The following SLIT2 variants were observed in gnomAD, a reference collection of about 807,000 sequenced individuals.
SLIT2 encodes the protein slit guidance ligand 2, also known as slit homolog 2 protein.
In SLIT2, 41 loss-of-function variants were observed where a neutral mutation model predicts 185.7. That is an observed-to-expected ratio of 0.22 (90% CI 0.17 to 0.29). The LOEUF (loss-of-function observed/expected upper bound fraction) is 0.29. SLIT2 is among the 10% of genes least tolerant of loss of function. The pLI, the probability that SLIT2 is intolerant of heterozygous loss-of-function variation, is 1.00. For missense variants in SLIT2, 1,571 were observed against 1,909.0 expected (o/e 0.82, Z 3.30); for synonymous variants, 693 against 680.2 (o/e 1.02, Z -0.29).
intron 3 of SLIT2, among the ~76,000 whole-genome samples, chr4:20,267,383 T>C (rs1713144418): frequency 6.6e-6 from 1 of 151,876 alleles, no homozygotes; most frequent in East Asian, 1.9e-4. Flanking sequence ...TTTTTATTAG[T>C]ATGCATTTTA....
chr4:20,336,728 A>G (rs1720534081), intron 4 of SLIT2, among the ~76,000 whole-genome samples: 1 of 152,244 alleles, frequency 6.6e-6, no homozygotes, highest in Non-Finnish European at 1.5e-5. Flanking sequence ...CAGAGTATAC[A>G]GTGAAGGCAT....
intron 4 of SLIT2, among the ~76,000 whole-genome samples, chr4:20,384,652 C>G (rs756987152): frequency 1.3e-5 from 2 of 152,004 alleles, no homozygotes; most frequent in Non-Finnish European, 2.9e-5. Flanking sequence ...AAGAAAAGAG[C>G]TTAATATTAT....
chr4:20,511,420 C>CTTTTTTTTTTTTTT (rs1040955182), intron 11 of SLIT2, among the ~76,000 whole-genome samples: 2 of 122,056 alleles, frequency 1.6e-5, no homozygotes, highest in Admixed American at 8.5e-5. Flanking sequence ...TTTTTTATTT[C>CTTTTTTTTTTTTTT]TTTTTTTTTT....
At chr4:20,343,181 T>C (rs569185621) in intron 4 of SLIT2, among the ~76,000 whole-genome samples, 194 of 152,218 alleles carry the variant, frequency 1.3e-3, no homozygotes, top group Non-Finnish European at 2.4e-3. Context: ...ATTGTATGTT[T>C]GTACCCATTA....
Position 20,483,663 on chromosome 4 carries a change from C to G in SLIT2, c.540-2537C>G, listed in dbSNP as rs1461044527. ...GCATGGTGGTAAGGGAATAAGATGACTAAATCAACATACAAGTGTGAGAGG... is the reference window on the plus strand; with the variant it reads ...GCATGGTGGTAAGGGAATAAGATGAGTAAATCAACATACAAGTGTGAGAGG... On this transcript the variant is annotated intron_variant, in intron 6 of 36. Coordinates refer to ENST00000504154, the MANE Select transcript of SLIT2 (RefSeq NM_004787.4). 2.0e-5 allele frequency among the ~76,000 whole-genome samples: 3 copies of G among 152,040 alleles called. No individual in the cohort carries two copies. In the East Asian group the frequency reaches 5.8e-4, roughly 29 times the overall value.
chr4:20,417,436 G>GTGTGTATA (rs1553898364), intron 4 of SLIT2, among the ~76,000 whole-genome samples: 5 of 123,674 alleles, frequency 4.0e-5, no homozygotes, highest in Non-Finnish European at 7.0e-5. Flanking sequence ...ATGTGTGTGT[G>GTGTGTATA]TATATATATA....
chr4:20,617,238 AG>A, intron 35 of SLIT2, 40 bp downstream of exon 35: 1 of 1,289,768 alleles, frequency 7.8e-7, no homozygotes, highest in Non-Finnish European at 1.0e-6. Flanking sequence ...CACACCTGAA[AG>A]CCTCAAAGCC....
chr4:20,444,109 G>A (rs1448600081), intron 4 of SLIT2, among the ~76,000 whole-genome samples: 1 of 152,150 alleles, frequency 6.6e-6, no homozygotes, highest in East Asian at 1.9e-4. Flanking sequence ...TAATACAGAG[G>A]TGGAAAGAAG....
chr4:20,466,755 C>A (rs1036804572), intron 4 of SLIT2, among the ~76,000 whole-genome samples: 2 of 151,996 alleles, frequency 1.3e-5, no homozygotes, highest in African/African-American at 4.8e-5. Flanking sequence ...CTGATATGCA[C>A]CTGTGGTTAG....
chr4:20,396,745 A>G (rs1725923629), intron 4 of SLIT2, among the ~76,000 whole-genome samples: 1 of 147,410 alleles, frequency 6.8e-6, no homozygotes, highest in Admixed American at 6.8e-5. Context: ...ACCCCTATTT[A>G]TCTCTTTTTT....
intron 4 of SLIT2, among the ~76,000 whole-genome samples, chr4:20,381,268 C>G (rs1724487472): frequency 6.6e-6 from 1 of 150,568 alleles, no homozygotes; most frequent in South Asian, 2.1e-4. Context: ...TAAAAAAAAA[C>G]AAATAAAATT....
At chr4:20,452,715 A>AT (rs1175245158) in intron 4 of SLIT2, among the ~76,000 whole-genome samples, 1 of 151,928 alleles carries the variant, frequency 6.6e-6, no homozygotes, top group East Asian at 1.9e-4. Context: ...TTGATTTTTC[A>AT]TATTGTGTTG....
intron 4 of SLIT2, among the ~76,000 whole-genome samples, chr4:20,430,715 A>G (rs896331418): frequency 2.0e-4 from 31 of 152,176 alleles, no homozygotes; most frequent in African/African-American, 7.0e-4. Context: ...ATACCATACA[A>G]CTTGCTCATC....
intron 4 of SLIT2, among the ~76,000 whole-genome samples, chr4:20,429,235 G>T (rs1728783399): frequency 6.6e-6 from 1 of 151,832 alleles, no homozygotes; most frequent in Non-Finnish European, 1.5e-5. Flanking sequence ...CGGTTCCTCT[G>T]CTTGATTCAT....
chr4:20,414,389 A>G (rs961970244), intron 4 of SLIT2, among the ~76,000 whole-genome samples: 1 of 152,094 alleles, frequency 6.6e-6, no homozygotes, highest in Non-Finnish European at 1.5e-5. Context: ...AAATTAGATG[A>G]AAAAAAGTTG....
intron 4 of SLIT2, among the ~76,000 whole-genome samples, chr4:20,298,972 A>G (rs1716779882): frequency 6.6e-6 from 1 of 152,202 alleles, no homozygotes; most frequent in Non-Finnish European, 1.5e-5. Flanking sequence ...ATGAAAAATT[A>G]CCATTATTCA....
intron 3 of SLIT2, among the ~76,000 whole-genome samples, chr4:20,260,216 G>A (rs1204599799): frequency 2.0e-5 from 3 of 151,750 alleles, no homozygotes; most frequent in Non-Finnish European, 4.4e-5. Flanking sequence ...TTTAGTCAGT[G>A]TCATTAACAC....
In SLIT2 at chr4:20,334,426, A is replaced by G. The variant is rs529702915; in HGVS notation, c.395+65545A>G. Reference sequence around the variant, plus strand: ...CTGGAACTGAAATCCTTCTTACCCTAGTATCTCAAAACCTACTTTAAAAGG... The same window carrying G: ...CTGGAACTGAAATCCTTCTTACCCTGGTATCTCAAAACCTACTTTAAAAGG... On this transcript the variant is annotated intron_variant, in intron 4 of 36. Transcript: ENST00000504154. 2.0e-5 allele frequency among the ~76,000 whole-genome samples: 3 copies of G among 152,312 alleles called. No individual in the cohort carries two copies. The South Asian group carries it at 6.2e-4, about 32-fold the overall frequency.
At chr4:20,396,771 A>G (rs975957701) in intron 4 of SLIT2, among the ~76,000 whole-genome samples, 1 of 149,290 alleles carries the variant, frequency 6.7e-6, no homozygotes, top group East Asian at 2.0e-4. Context: ...CCCTTTGTGT[A>G]TGCATATGTG....
Sources: gnomAD v4.1 joint callset for allele counts (sites outside exome capture counted in the v4.1 genomes callset) on GRCh38, gnomAD v4.1.1 for gene constraint, MANE v1.5 for transcripts, NCBI Gene and HGNC (gene_info 2026-07-23, HGNC 2026-07-21) for gene names.